GMDS: variants seen among roughly 807,000 people sequenced by gnomAD.
GMDS encodes GDP-mannose 4,6 dehydratase.
In GMDS, 20 loss-of-function variants were observed where a neutral mutation model predicts 49.9. The observed-to-expected ratio is 0.40, with a 90% confidence interval of 0.28 to 0.58. GMDS has a LOEUF of 0.58. Ranked by LOEUF, GMDS falls within the 20% of genes least tolerant of loss-of-function variation. The pLI is 0.42. For missense variants in GMDS, 362 were observed against 481.4 expected (o/e 0.75, Z 2.32); for synonymous variants, 177 against 178.6 (o/e 0.99, Z 0.07).
At chr6:1,951,520 A>G (rs1329699608) in intron 6 of GMDS, among the ~76,000 whole-genome samples, 1 of 152,174 alleles carries the variant, frequency 6.6e-6, no homozygotes, top group African/African-American at 2.4e-5. Flanking sequence ...GTATATTTAA[A>G]GTACTTTATA....
At chr6:1,824,060 C>T (rs574105662) in intron 7 of GMDS, among the ~76,000 whole-genome samples, 15 of 152,196 alleles carry the variant, frequency 9.9e-5, no homozygotes, top group Admixed American at 2.6e-4. Context: ...CTATTACCAC[C>T]CTACCATCCC....
At chr6:1,938,963 C>T (rs1762678610) in intron 6 of GMDS, among the ~76,000 whole-genome samples, 1 of 131,152 alleles carries the variant, frequency 7.6e-6, no homozygotes, top group South Asian at 2.9e-4. Flanking sequence ...TCCTCCCCTC[C>T]CCTCCCCTCC....
intron 8 of GMDS, among the ~76,000 whole-genome samples, chr6:1,741,339 C>T (rs1310686900): frequency 6.6e-6 from 1 of 152,174 alleles, no homozygotes; most frequent in East Asian, 1.9e-4. Context: ...AGCCTCTTTC[C>T]ACCCATCCCT....
chr6:1,757,652 C>G lies in GMDS; in HGVS notation c.772-15066G>C, dbSNP rs557809950. On this transcript the variant is annotated intron_variant, in intron 7 of 10. Transcript: ENST00000380815. ...TGACCTTGGGAATTTAACCTCTGAA[C>G]TGATTCTAGGCCCACTAGGTTTCTT... 2.0e-5 allele frequency among the ~76,000 whole-genome samples: 3 copies of G among 152,332 alleles called. No homozygotes were observed. The South Asian group carries it at 6.2e-4, about 32-fold the overall frequency.
At chr6:2,024,824 TA>T (rs200683361) in intron 4 of GMDS, among the ~76,000 whole-genome samples, 12 of 151,314 alleles carry the variant, frequency 7.9e-5, no homozygotes, top group Non-Finnish European at 4.4e-5. Context: ...ACTCCTAAGT[TA>T]AAAAAAATAC....
chr6:2,152,702 AAAC>A lies in GMDS; in HGVS notation c.103-27974_103-27972del, dbSNP rs573606941. On this transcript the variant is annotated intron_variant, in intron 1 of 10. Transcript: ENST00000380815. ...ACTCTAATTAACTTTAAGTTTAATTAAACAACAAGTTACAAAAATTTGGACAGG... is the reference window on the plus strand; with the variant it reads ...ACTCTAATTAACTTTAAGTTTAATTAAACAAGTTACAAAAATTTGGACAGG... Among the ~76,000 whole-genome samples, 342 of 152,320 alleles carry A rather than the reference AAAC, an allele frequency of 2.2e-3. 2 individuals carry two copies. Among genetic ancestry groups the A allele is most frequent in the African/African-American group, 7.4e-3 (308 of 41,570 alleles).
intron 1 of GMDS, among the ~76,000 whole-genome samples, chr6:2,163,629 T>A (rs562054821): frequency 6.6e-6 from 1 of 152,312 alleles, no homozygotes; most frequent in Non-Finnish European, 1.5e-5. Context: ...GAAAAGACCA[T>A]GTCCCAGCTC....
At chr6:2,047,402 CA>C (rs1770087201) in intron 4 of GMDS, among the ~76,000 whole-genome samples, 1 of 152,180 alleles carries the variant, frequency 6.6e-6, no homozygotes, top group African/African-American at 2.4e-5. Flanking sequence ...TGTGGCTGTG[CA>C]AAGCAAATTT....
intron 9 of GMDS, among the ~76,000 whole-genome samples, chr6:1,693,708 G>T (rs1336643143): frequency 6.6e-6 from 1 of 152,128 alleles, no homozygotes; most frequent in African/African-American, 2.4e-5. Context: ...CATCAACTTG[G>T]CAAGGGTTGA....
intron 4 of GMDS, among the ~76,000 whole-genome samples, chr6:2,064,104 C>G (rs1359551510): frequency 6.6e-6 from 1 of 152,124 alleles, no homozygotes; most frequent in African/African-American, 2.4e-5. Flanking sequence ...AAAACACCAA[C>G]AAAAGGCACC....
At chr6:2,001,288 T>C (rs1205293995) in intron 4 of GMDS, among the ~76,000 whole-genome samples, 1 of 152,190 alleles carries the variant, frequency 6.6e-6, no homozygotes, top group Non-Finnish European at 1.5e-5. Context: ...TTTGTAAATC[T>C]TTTTTGGAGA....
At chr6:2,231,867 A>G (rs888905402) in intron 1 of GMDS, among the ~76,000 whole-genome samples, 2 of 152,206 alleles carry the variant, frequency 1.3e-5, no homozygotes, top group Non-Finnish European at 2.9e-5. Flanking sequence ...CAAGAAGTTC[A>G]TATTTCGGTT....
intron 8 of GMDS, among the ~76,000 whole-genome samples, chr6:1,727,387 A>G (rs1766634248): frequency 6.6e-6 from 1 of 152,188 alleles, no homozygotes; most frequent in African/African-American, 2.4e-5. Flanking sequence ...GGATGTCTAT[A>G]ATATTACAGA....
At position 2,023,256 on chromosome 6, in the gene GMDS, G is replaced by C. The variant is rs957226645; in HGVS notation, c.346-62290C>G. ...TAAACTTATTTATAGTTTGACTTCA[G>C]AATAAAGCTTCCCCTGCCATCTTTA... is the stretch of plus-strand genomic sequence containing the variant. On this transcript the variant is annotated intron_variant, in intron 4 of 10. Coordinates refer to ENST00000380815, the MANE Select transcript of GMDS (RefSeq NM_001500.4). Among the ~76,000 whole-genome samples, 93 of 152,318 alleles carry C rather than the reference G, an allele frequency of 6.1e-4. 1 individual carries two copies. The highest frequency in any genetic ancestry group is 2.0e-3 in the African/African-American group (85 of 41,580).
chr6:2,130,880 AT>A (rs1299109048), intron 1 of GMDS, among the ~76,000 whole-genome samples: 1 of 151,984 alleles, frequency 6.6e-6, no homozygotes, highest in East Asian at 1.9e-4. Flanking sequence ...GTGTTTTTTC[AT>A]TTTTTGACTG....
intron 4 of GMDS, among the ~76,000 whole-genome samples, 198 bp downstream of exon 4, chr6:2,115,573 T>C (rs753004278): frequency 3.9e-5 from 6 of 152,256 alleles, no homozygotes; most frequent in Admixed American, 1.3e-4. Context: ...GGTTTTATTA[T>C]ATTGTTTAAT....
intron 9 of GMDS, among the ~76,000 whole-genome samples, chr6:1,662,675 A>G (rs1340187515): frequency 1.3e-5 from 2 of 152,156 alleles, no homozygotes; most frequent in Admixed American, 6.5e-5. Context: ...GATGTATATA[A>G]ACTGTCCTGA....
intron 4 of GMDS, among the ~76,000 whole-genome samples, chr6:2,047,264 T>C (rs988259012): frequency 3.3e-5 from 5 of 152,184 alleles, no homozygotes; most frequent in Non-Finnish European, 7.4e-5. Flanking sequence ...GTTCAAGTTA[T>C]ATTAAGAGTT....
At chr6:1,965,160 A>G (rs1032426546) in intron 4 of GMDS, among the ~76,000 whole-genome samples, 9 of 152,164 alleles carry the variant, frequency 5.9e-5, no homozygotes, top group African/African-American at 2.2e-4. Context: ...TTATAGCAGC[A>G]TGATTTATAA....
Sources: gnomAD v4.1 joint callset for allele counts (sites outside exome capture counted in the v4.1 genomes callset) on GRCh38, gnomAD v4.1.1 for gene constraint, MANE v1.5 for transcripts, NCBI Gene and HGNC (gene_info 2026-07-23, HGNC 2026-07-21) for gene names.